The following PIWIL1 variants were observed in gnomAD, a reference collection of about 807,000 sequenced individuals.
PIWIL1 encodes the protein piwi-like protein 1.
A neutral mutation model predicts 114.4 loss-of-function variants in PIWIL1; 73 were observed. The observed-to-expected ratio is 0.64, with a 90% CI of 0.53 to 0.78. PIWIL1 has a LOEUF of 0.78. PIWIL1 is among the 30% of genes least tolerant of loss of function. The pLI, the probability that PIWIL1 is intolerant of heterozygous loss-of-function variation, is 0.00. For synonymous variants in PIWIL1, 375 were observed against 369.0 expected, an observed-to-expected ratio of 1.02 and a Z score of -0.19; for missense variants, 723 against 1,063.1, an observed-to-expected ratio of 0.68 and a Z score of 4.45.
At chr12:130,378,287 G>C in the PIWIL1 span, among the ~76,000 whole-genome samples, 1 of 152,328 alleles carries the variant, frequency 6.6e-6, no homozygotes, top group South Asian at 2.1e-4. Flanking sequence ...TTTTAAAGCA[G>C]AGTCTGTGTA....
chr12:130,348,057 T>C, intron 6 of PIWIL1, 46 bp from the exon 7 acceptor site: 1 of 1,257,122 alleles, frequency 8.0e-7, no homozygotes, highest in East Asian at 2.3e-5. Context: ...GATTGTCGTA[T>C]TAGAGATACT....
the PIWIL1 span, among the ~76,000 whole-genome samples, chr12:130,404,661 A>G: frequency 8.5e-5 from 13 of 152,360 alleles, no homozygotes; most frequent in South Asian, 1.0e-3. Context: ...CTTTTCTGAC[A>G]GATGAAAGGA....
downstream of PIWIL1, among the ~76,000 whole-genome samples, chr12:130,375,511 C>T (rs759781322): frequency 3.2e-4 from 49 of 152,292 alleles, no homozygotes; most frequent in Admixed American, 2.7e-3. Flanking sequence ...CTCTGCAGCC[C>T]GGTGTTGTGG....
intron 14 of PIWIL1, among the ~76,000 whole-genome samples, chr12:130,360,445 C>T (rs1294797946): frequency 1.3e-5 from 2 of 151,980 alleles, no homozygotes; most frequent in African/African-American, 4.8e-5. Flanking sequence ...ACATCTTGGC[C>T]GACACAATGA....
chr12:130,341,188 C>G lies in PIWIL1; in HGVS notation c.-12-1392C>G, dbSNP rs376389956. Among the ~76,000 whole-genome samples the G allele has an allele frequency of 3.9e-5, 6 of 152,352 alleles. No individual in the cohort carries two copies. In the East Asian group the frequency reaches 1.2e-3, roughly 29 times the overall value. ...AGCTGTCTGCAGGACCCTGAGCAGT[C>G]TGCTCCCTGCCCACATGAAATCCTC... On this transcript the variant is annotated intron_variant, in intron 1 of 20. Coordinates refer to ENST00000245255, the MANE Select transcript of PIWIL1 (RefSeq NM_004764.5).
At chr12:130,346,810 G>A (rs2073081852) in intron 5 of PIWIL1, 131 bp from the exon 6 acceptor site, 1 of 1,176,736 alleles carries the variant, frequency 8.5e-7, no homozygotes, top group African/African-American at 1.5e-5. Flanking sequence ...TTTTCTCAGA[G>A]CCATTTAAAA....
chr12:130,367,614 C>G (rs771652805), intron 19 of PIWIL1, among the ~76,000 whole-genome samples: 9 of 152,180 alleles, frequency 5.9e-5, no homozygotes, highest in Admixed American at 5.2e-4. Flanking sequence ...TTGTAATACA[C>G]TTAGTTGTCT....
At chr12:130,411,813 A>G in the PIWIL1 span, among the ~76,000 whole-genome samples, 1 of 151,488 alleles carries the variant, frequency 6.6e-6, no homozygotes, top group Non-Finnish European at 1.5e-5. Flanking sequence ...CAATGCGTTT[A>G]TTAATGCCAA....
the PIWIL1 span, among the ~76,000 whole-genome samples, chr12:130,420,301 C>T: frequency 1.3e-3 from 192 of 152,208 alleles, no homozygotes; most frequent in African/African-American, 4.4e-3. The surrounding 1 kb of genome is among the most constrained non-coding windows in gnomAD (Gnocchi z 4.3). Context: ...TGTGGTGTCC[C>T]GGCTTGCTAC....
chr12:130,349,368 TCAGA>T lies in PIWIL1; in HGVS notation c.869_872del (p.Thr290LysfsTer13). On this transcript the variant is annotated frameshift_variant, in exon 8 of 21. Transcript: ENST00000245255. LOFTEE classifies it high-confidence loss of function. ...TGGATTTCATGTTCAACTTTTATCA[TCAGA>T]CAGAAGAACATAAATTTCAAGAACA... 1 of 1,613,738 alleles carries T rather than the reference TCAGA, an allele frequency of 6.2e-7. No homozygotes were observed. The highest frequency in any genetic ancestry group is 8.5e-7 in the Non-Finnish European group (1 of 1,179,678).
intron 11 of PIWIL1, among the ~76,000 whole-genome samples, 189 bp from the exon 12 acceptor site, chr12:130,355,364 T>C (rs906065994): frequency 1.3e-5 from 2 of 152,184 alleles, no homozygotes; most frequent in African/African-American, 4.8e-5. Flanking sequence ...TTAAAGAATG[T>C]CATGAAGAGA....
the PIWIL1 span, chr12:130,424,261 C>T: frequency 3.4e-5 from 42 of 1,231,806 alleles, no homozygotes; most frequent in Middle Eastern, 6.2e-4. This position sits in a 1 kb window ranked among gnomAD's most constrained non-coding sequence, Gnocchi z 9.8. Context: ...GTGGGCTCGC[C>T]CCAGCCGTGC....
intron 19 of PIWIL1, among the ~76,000 whole-genome samples, chr12:130,369,565 A>G (rs2073763074): frequency 6.6e-6 from 1 of 152,118 alleles, no homozygotes; most frequent in South Asian, 2.1e-4. Context: ...TTGTTTCTTG[A>G]CTTTTTAATA....
At chr12:130,404,701 G>T in the PIWIL1 span, among the ~76,000 whole-genome samples, 2 of 152,212 alleles carry the variant, frequency 1.3e-5, no homozygotes, top group Non-Finnish European at 2.9e-5. Flanking sequence ...CGCATGCTAT[G>T]TCAGAATTGA....
chr12:130,361,697 A>G (rs998136836), intron 16 of PIWIL1, 96 bp downstream of exon 16: 18 of 948,942 alleles, frequency 1.9e-5, no homozygotes, highest in Non-Finnish European at 3.0e-5. Flanking sequence ...TTATCCTTCC[A>G]GTTTCTCAAT....
chr12:130,424,795 G>T, the PIWIL1 span: 5 of 1,232,856 alleles, frequency 4.1e-6, no homozygotes, highest in Non-Finnish European at 5.1e-6. The surrounding 1 kb of genome is among the most constrained non-coding windows in gnomAD (Gnocchi z 9.8). Context: ...TTCCTGTGGG[G>T]CTGGTGGGGA....
At position 130,349,841 on chromosome 12, in the gene PIWIL1, T is replaced by C; in HGVS notation, c.933-15T>C. The C allele has an allele frequency of 7.0e-7, 1 of 1,421,312 alleles. No homozygotes were observed. Among genetic ancestry groups the C allele is most frequent in the South Asian group, 1.2e-5 (1 of 83,182 alleles). 88.0% of individuals were successfully genotyped at this position (1,421,312 alleles called of 1,614,324 possible). On this transcript the variant is annotated splice_polypyrimidine_tract_variant and intron_variant, in intron 8 of 20. Transcript: ENST00000245255. ...CATTTCCATCAAATGCAGTCAAATCTCAACTGATCCCTAGGTATAACAATA... is the reference window on the plus strand; with the variant it reads ...CATTTCCATCAAATGCAGTCAAATCCCAACTGATCCCTAGGTATAACAATA...
intron 19 of PIWIL1, among the ~76,000 whole-genome samples, chr12:130,368,622 G>T (rs1465445849): frequency 6.6e-6 from 1 of 152,124 alleles, no homozygotes; most frequent in Non-Finnish European, 1.5e-5. Context: ...ACAAAAGAAG[G>T]CTAAGATGTT....
At position 130,357,044 on chromosome 12, in the gene PIWIL1, T is replaced by C. The variant is rs373679672; in HGVS notation, c.1531T>C (p.Leu511=). Residue 511 remains leucine, a synonymous_variant, in exon 13 of 21, where the codon TTG becomes CTG. Transcript: ENST00000245255. ...TRRNYEAANS[L]IQNLFKVTPA... is the part of the protein sequence containing the mutation. ...AAGAAATTATGAAGCAGCCAATTCA[T>C]TGATACAAAATCTATTTAAAGTTAC... 73 of 1,613,840 alleles carry C rather than the reference T, an allele frequency of 4.5e-5. 1 individual carries two copies. The Admixed American group carries it at 7.5e-4, about 17-fold the overall frequency.
Sources: allele counts gnomAD v4.1 joint callset (sites outside exome capture counted in the v4.1 genomes callset), GRCh38; gene constraint gnomAD v4.1.1; non-coding constraint Gnocchi (gnomAD v3.1); transcripts MANE v1.5; gene names NCBI Gene and HGNC (gene_info 2026-07-23, HGNC 2026-07-21).